The following TMEM45A variants were observed in gnomAD, a reference collection of about 807,000 sequenced individuals.
The protein encoded by TMEM45A is DNA polymerase-transactivated protein 4.
TMEM45A carries 25 observed loss-of-function variants against 32.0 expected under a neutral mutation model. That is an observed-to-expected ratio of 0.78 (90% CI 0.57 to 1.09). TMEM45A has a LOEUF of 1.09. Ranked by LOEUF, TMEM45A falls within the 50% of genes least tolerant of loss-of-function variation. The probability of loss-of-function intolerance (pLI) is 0.00; values close to 1 mark genes in which losing one functional copy is unlikely to be tolerated. For missense variants in TMEM45A, 302 were observed against 325.0 expected, an observed-to-expected ratio of 0.93 and a Z score of 0.54; for synonymous variants, 122 against 114.8, an observed-to-expected ratio of 1.06 and a Z score of -0.40.
chr3:100,513,709 T>C (rs1344145800), intron 1 of TMEM45A, among the ~76,000 whole-genome samples: 18 of 151,982 alleles, frequency 1.2e-4, no homozygotes, highest in Non-Finnish European at 7.4e-5. Flanking sequence ...GATGACATGA[T>C]TGTATATCTA....
intron 1 of TMEM45A, among the ~76,000 whole-genome samples, chr3:100,545,601 C>G (rs1705966281): frequency 6.6e-6 from 1 of 152,186 alleles, no homozygotes; most frequent in South Asian, 2.1e-4. Flanking sequence ...AGGTCTAGCT[C>G]AGATGACCTT....
chr3:100,520,206 G>A (rs990794608), intron 1 of TMEM45A, among the ~76,000 whole-genome samples: 1 of 152,166 alleles, frequency 6.6e-6, no homozygotes, highest in African/African-American at 2.4e-5. Flanking sequence ...AGAGGGTAGG[G>A]TATTGAGGCA....
At chr3:100,562,143 C>T (rs1321927309) in intron 4 of TMEM45A, among the ~76,000 whole-genome samples, 1 of 151,866 alleles carries the variant, frequency 6.6e-6, no homozygotes, top group African/African-American at 2.4e-5. Flanking sequence ...ACTAATGAAG[C>T]TTAAACTAGT....
At chr3:100,535,001 T>C (rs1464791243) in intron 1 of TMEM45A, among the ~76,000 whole-genome samples, 1 of 152,202 alleles carries the variant, frequency 6.6e-6, no homozygotes, top group African/African-American at 2.4e-5. Context: ...TCTCGCTCCC[T>C]CAAACTGAGC....
rs1389694471 is a variant in TMEM45A at position 100,555,191 on chromosome 3, G to A, written c.-3-18G>A. On this transcript the variant is annotated intron_variant, in intron 1 of 5. Transcript: ENST00000323523. Reference sequence around the variant, plus strand: ...CAATGAAATGTCTTTTACTTTCTGTGTGTTCTTATATTTGTAGATCATGGG... The same window carrying A: ...CAATGAAATGTCTTTTACTTTCTGTATGTTCTTATATTTGTAGATCATGGG... The A allele has an allele frequency of 1.3e-6, 2 of 1,575,700 alleles. No homozygotes were observed. The highest frequency in any genetic ancestry group is 1.4e-5 in the African/African-American group (1 of 72,936).
intron 1 of TMEM45A, among the ~76,000 whole-genome samples, chr3:100,507,640 A>G (rs1436439749): frequency 1.3e-5 from 2 of 152,104 alleles, no homozygotes; most frequent in Non-Finnish European, 2.9e-5. Flanking sequence ...TAGAGTTGGG[A>G]TGCAGGGATG....
intron 1 of TMEM45A, among the ~76,000 whole-genome samples, chr3:100,514,490 G>T (rs991748573): frequency 2.0e-5 from 3 of 151,892 alleles, no homozygotes; most frequent in Admixed American, 2.0e-4. Context: ...ATGGATTAAA[G>T]ACTTAAACAT....
chr3:100,521,322 T>C (rs1705433447), intron 1 of TMEM45A, among the ~76,000 whole-genome samples: 1 of 151,972 alleles, frequency 6.6e-6, no homozygotes, highest in Non-Finnish European at 1.5e-5. Context: ...TGGTGCAATC[T>C]TGGCTCACCG....
chr3:100,562,773 A>C (rs1706362342), intron 4 of TMEM45A, among the ~76,000 whole-genome samples: 1 of 152,156 alleles, frequency 6.6e-6, no homozygotes, highest in South Asian at 2.1e-4. Flanking sequence ...ATAATATCTC[A>C]TGGGGTTATT....
chr3:100,574,178 A>G (rs2148998962), intron 5 of TMEM45A: 1 of 152,140 alleles, frequency 6.6e-6, no homozygotes, highest in South Asian at 2.1e-4. Flanking sequence ...GGAATGGTAC[A>G]AAAAACCTTT....
chr3:100,526,452 C>T (rs775498450), intron 1 of TMEM45A, among the ~76,000 whole-genome samples: 1 of 152,212 alleles, frequency 6.6e-6, no homozygotes, highest in Non-Finnish European at 1.5e-5. Context: ...ATATTAACAA[C>T]AGCTCAGGTT....
At chr3:100,574,228 A>C (rs1048523176) in intron 5 of TMEM45A, 1 of 152,178 alleles carries the variant, frequency 6.6e-6, no homozygotes, top group Non-Finnish European at 1.5e-5. Flanking sequence ...TTTTGAAAAC[A>C]TCAACAAAAT....
chr3:100,529,617 C>T (rs564827968), intron 1 of TMEM45A, among the ~76,000 whole-genome samples: 1 of 151,974 alleles, frequency 6.6e-6, no homozygotes, highest in Non-Finnish European at 1.5e-5. Flanking sequence ...CTCAGGCCAG[C>T]CTTTATTTTT....
chr3:100,505,200 G>A (rs1297081578), intron 1 of TMEM45A, among the ~76,000 whole-genome samples: 2 of 152,176 alleles, frequency 1.3e-5, no homozygotes, highest in African/African-American at 4.8e-5. Context: ...AGAGCCTCTT[G>A]TGTGGAGGCA....
intron 1 of TMEM45A, among the ~76,000 whole-genome samples, chr3:100,536,228 T>C (rs1705737368): frequency 6.6e-6 from 1 of 152,258 alleles, no homozygotes; most frequent in South Asian, 2.1e-4. Flanking sequence ...TGTTGAGAAA[T>C]TCCATCCTGG....
intron 4 of TMEM45A, among the ~76,000 whole-genome samples, chr3:100,561,769 T>G (rs7647492): frequency 0.36 from 54,832 of 152,020 alleles, 10,799 homozygotes; most frequent in Middle Eastern, 0.44. Flanking sequence ...ATGAGGAAGG[T>G]GCTCCTGCTG....
intron 5 of TMEM45A, chr3:100,572,280 A>G (rs1281643580): frequency 1.3e-5 from 2 of 151,710 alleles, no homozygotes; most frequent in African/African-American, 4.9e-5. Context: ...TGACTTTTTA[A>G]TGATCGCCAT....
intron 1 of TMEM45A, among the ~76,000 whole-genome samples, chr3:100,541,307 C>T (rs978104294): frequency 1.8e-4 from 27 of 152,092 alleles, no homozygotes; most frequent in African/African-American, 6.5e-4. Context: ...GTTTATTTTG[C>T]TCTGCAGAAG....
At chr3:100,520,264 C>A (rs756487881) in intron 1 of TMEM45A, among the ~76,000 whole-genome samples, 2 of 152,166 alleles carry the variant, frequency 1.3e-5, no homozygotes, top group African/African-American at 2.4e-5. Context: ...AAGAGCTCCC[C>A]TGCAGAGCTC....
Sources: gnomAD v4.1 joint callset for allele counts (sites outside exome capture counted in the v4.1 genomes callset) on GRCh38, gnomAD v4.1.1 for gene constraint, MANE v1.5 for transcripts, NCBI Gene and HGNC (gene_info 2026-07-23, HGNC 2026-07-21) for gene names.